Variants in ADGRV1 observed in about 807,000 individuals in gnomAD.
ADGRV1 encodes the protein G-protein coupled receptor 98.
A neutral mutation model predicts 596.2 loss-of-function variants in ADGRV1; 359 were observed. That is an observed-to-expected ratio of 0.60 (90% confidence interval 0.55 to 0.66). The LOEUF (loss-of-function observed/expected upper bound fraction) is 0.66, where lower values mean the gene tolerates loss of function less well. Ranked by LOEUF, ADGRV1 falls within the 30% of genes least tolerant of loss-of-function variation. The pLI, the probability that ADGRV1 is intolerant of heterozygous loss-of-function variation, is 0.00. For synonymous variants in ADGRV1, 2,681 were observed against 2,679.2 expected (o/e 1.00, Z -0.02); for missense variants, 7,274 against 7,575.6 (o/e 0.96, Z 1.48).
chr5:90,745,120 G>T lies in ADGRV1; in HGVS notation c.10624G>T (p.Val3542Phe). 1 of 1,613,704 alleles carries T rather than the reference G, an allele frequency of 6.2e-7. No homozygotes were observed. The highest frequency in any genetic ancestry group is 1.1e-5 in the South Asian group (1 of 91,060). ...WNSERNQFSF[V>F]LEVPSAYDVA... ...TTCGGAGCGTAATCAATTCTCTTTTGTTCTGGAAGTACCTTCTGCTTATGA... is the reference window on the plus strand; with the variant it reads ...TTCGGAGCGTAATCAATTCTCTTTTTTTCTGGAAGTACCTTCTGCTTATGA... The change falls in exon 51 of 90, where the codon GTT becomes TTT. Residue 3542 changes from valine to phenylalanine, a missense_variant. Val to Phe is a conservative substitution (Grantham distance 50). This residue lies in a region of ADGRV1 where 3,643 missense variants were observed against 3,809.2 expected (regional missense o/e 0.96). Coordinates refer to ENST00000405460, the MANE Select transcript of ADGRV1 (RefSeq NM_032119.4).
intron 85 of ADGRV1, among the ~76,000 whole-genome samples, chr5:90,987,403 G>C (rs1780583897): frequency 6.8e-6 from 1 of 146,068 alleles, no homozygotes; most frequent in Admixed American, 7.1e-5. Flanking sequence ...CCAGGAGGCG[G>C]AAGTTGCAGT....
intron 87 of ADGRV1, among the ~76,000 whole-genome samples, chr5:91,131,831 C>T (rs902797658): frequency 1.3e-5 from 2 of 151,982 alleles, no homozygotes; most frequent in East Asian, 1.9e-4. Flanking sequence ...GTTTTTGTTA[C>T]GTTTGCTTTT....
intron 86 of ADGRV1, among the ~76,000 whole-genome samples, chr5:91,098,880 A>G (rs891938575): frequency 2.0e-5 from 3 of 150,934 alleles, no homozygotes; most frequent in Admixed American, 6.6e-5. Flanking sequence ...AGAGCCATAA[A>G]TAGAATTTTG....
chr5:91,149,388 G>T (rs1795825839), intron 87 of ADGRV1, among the ~76,000 whole-genome samples: 1 of 152,144 alleles, frequency 6.6e-6, no homozygotes, highest in African/African-American at 2.4e-5. Flanking sequence ...AGATCTGATG[G>T]TTTTATAAGC....
At position 90,558,832 on chromosome 5, in the gene ADGRV1, G is replaced by C; in HGVS notation, c.-64G>C. Reference sequence around the variant, plus strand: ...ATCAGCAGCGCGGGCAAGGAGTACGGACGGGAGTCAGAGGCAGAGCGAGGG... The same window carrying C: ...ATCAGCAGCGCGGGCAAGGAGTACGCACGGGAGTCAGAGGCAGAGCGAGGG... On this transcript the variant is annotated 5_prime_UTR_variant, in exon 1 of 90. Transcript: ENST00000405460. 1.3e-6 allele frequency: 2 copies of C among 1,520,880 alleles called. No individual in the cohort carries two copies. Among genetic ancestry groups the C allele is most frequent in the Non-Finnish European group, 1.8e-6 (2 of 1,117,506 alleles). The allele number at this position is 1,520,880 out of a possible 1,614,324, so 94.2% of individuals were successfully genotyped here.
rs70973732 is a variant in ADGRV1, at chr5:91,135,178, CAAA to C, written c.18433-14838_18433-14836del. Reference sequence around the variant, plus strand: ...TGGGAGACAGAGTGAGACTCCATCTCAAAAAAAAAAAAAAAAGGAAAATTTAAT... The same window carrying C: ...TGGGAGACAGAGTGAGACTCCATCTCAAAAAAAAAAAAAGGAAAATTTAAT... On this transcript the variant is annotated intron_variant, in intron 87 of 89. Transcript: ENST00000405460. Among the ~76,000 whole-genome samples the C allele has an allele frequency of 7.4e-4, 69 of 93,016 alleles. No individual in the cohort carries two copies. In the South Asian group the frequency reaches 0.014, roughly 19 times the overall value. 61.0% of individuals were successfully genotyped at this position (93,016 alleles called of 152,430 possible). A position where few individuals can be genotyped will look rare whatever the true frequency, so the allele number is the denominator to read the frequency against.
chr5:90,686,099 C>A, intron 29 of ADGRV1, 104 bp downstream of exon 29: 3 of 554,336 alleles, frequency 5.4e-6, no homozygotes, highest in Non-Finnish European at 5.3e-6. Context: ...TTAGGATAAT[C>A]AACTAGAAAA....
At chr5:90,662,091 C>A (rs115830578) in intron 21 of ADGRV1, among the ~76,000 whole-genome samples, 1,780 of 149,570 alleles carry the variant, frequency 0.012, 35 homozygotes, top group African/African-American at 0.042. Flanking sequence ...AGAGTATACA[C>A]AAAAATAGAG....
intron 43 of ADGRV1, among the ~76,000 whole-genome samples, chr5:90,719,199 G>A (rs1204077398): frequency 1.3e-5 from 2 of 152,044 alleles, no homozygotes; most frequent in African/African-American, 4.8e-5. Flanking sequence ...GTGTAGTGGT[G>A]TGTACCTGAA....
At chr5:91,100,736 C>T (rs1791304915) in intron 86 of ADGRV1, among the ~76,000 whole-genome samples, 1 of 152,174 alleles carries the variant, frequency 6.6e-6, no homozygotes, top group African/African-American at 2.4e-5. Context: ...TCATCTTAAT[C>T]AAGTGACCAA....
chr5:90,595,577 C>T (rs1279867335), intron 1 of ADGRV1, among the ~76,000 whole-genome samples: 1 of 136,258 alleles, frequency 7.3e-6, no homozygotes, highest in Non-Finnish European at 1.6e-5. Context: ...ACCCCCCAAC[C>T]TCCCTCCCAG....
chr5:91,054,071 TTGTGTGTGTGTG>T (rs769226492), intron 85 of ADGRV1, among the ~76,000 whole-genome samples: 168 of 133,140 alleles, frequency 1.3e-3, no homozygotes, highest in African/African-American at 4.7e-3. Context: ...CTGTGTGTGT[TTGTGTGTGTGTG>T]TGTGTGTGTG....
intron 86 of ADGRV1, among the ~76,000 whole-genome samples, chr5:91,078,705 T>C: frequency 6.6e-6 from 1 of 152,290 alleles, no homozygotes; most frequent in East Asian, 1.9e-4. Flanking sequence ...CAGCCTCCAG[T>C]TGTGTCAGGC....
At chr5:90,600,152 A>G (rs1010633152) in intron 1 of ADGRV1, among the ~76,000 whole-genome samples, 1 of 152,058 alleles carries the variant, frequency 6.6e-6, no homozygotes, top group Non-Finnish European at 1.5e-5. Flanking sequence ...TGAGCATCAC[A>G]TATATATTTT....
intron 21 of ADGRV1, among the ~76,000 whole-genome samples, chr5:90,668,816 G>A (rs1194881131): frequency 6.6e-6 from 1 of 152,120 alleles, no homozygotes; most frequent in Non-Finnish European, 1.5e-5. Context: ...TATTCAGGAA[G>A]CTATAGGTTT....
At chr5:91,071,096 G>T (rs146641147) in intron 85 of ADGRV1, among the ~76,000 whole-genome samples, 1 of 152,062 alleles carries the variant, frequency 6.6e-6, no homozygotes, top group Non-Finnish European at 1.5e-5. Context: ...CTCCTCCCAG[G>T]AAGAAAACTC....
chr5:90,958,208 C>T (rs752863235), intron 83 of ADGRV1, among the ~76,000 whole-genome samples: 5 of 142,366 alleles, frequency 3.5e-5, no homozygotes, highest in Non-Finnish European at 6.0e-5. Flanking sequence ...TGCTTGAGTC[C>T]AGGAGGATGA....
At chr5:91,126,024 C>A (rs148435272) in intron 87 of ADGRV1, among the ~76,000 whole-genome samples, 1 of 152,184 alleles carries the variant, frequency 6.6e-6, no homozygotes, top group Non-Finnish European at 1.5e-5. Context: ...ATAGTAACAT[C>A]TTCTGATGCA....
At chr5:90,986,332 A>C (rs1246895182) in intron 85 of ADGRV1, among the ~76,000 whole-genome samples, 1 of 151,916 alleles carries the variant, frequency 6.6e-6, no homozygotes, top group East Asian at 1.9e-4. Context: ...TAATTATCTC[A>C]CAGGTTATTA....
Sources: gnomAD v4.1 joint callset for allele counts (sites outside exome capture counted in the v4.1 genomes callset) on GRCh38, gnomAD v4.1.1 for gene constraint, gnomAD v4.1.1 regional missense constraint, MANE v1.5 for transcripts, NCBI Gene and HGNC (gene_info 2026-07-23, HGNC 2026-07-21) for gene names.